CACNA2D3: variants seen among roughly 807,000 people sequenced by gnomAD.
The protein encoded by CACNA2D3 is calcium voltage-gated channel auxiliary subunit alpha2delta 3, also known as voltage-dependent calcium channel subunit alpha-2/delta-3.
Under a neutral mutation model 160.6 loss-of-function variants are expected in CACNA2D3, and 60 were observed. That is an observed-to-expected ratio of 0.37 (90% CI 0.30 to 0.46). The LOEUF (loss-of-function observed/expected upper bound fraction) is 0.46. CACNA2D3 is among the 20% of genes least tolerant of loss of function. The probability of loss-of-function intolerance (pLI) is 1.00; values close to 1 mark genes in which losing one functional copy is unlikely to be tolerated. For missense variants in CACNA2D3, 1,205 were observed against 1,365.0 expected (o/e 0.88, Z 1.85); for synonymous variants, 558 against 492.9 (o/e 1.13, Z -1.75).
At chr3:54,760,272 G>A (rs1702058372) in intron 12 of CACNA2D3, among the ~76,000 whole-genome samples, 1 of 151,920 alleles carries the variant, frequency 6.6e-6, no homozygotes, top group South Asian at 2.1e-4. Flanking sequence ...TGACAAAAAG[G>A]AACCAAACAT....
At chr3:54,253,700 G>A (rs2107428432) in intron 2 of CACNA2D3, among the ~76,000 whole-genome samples, 1 of 152,264 alleles carries the variant, frequency 6.6e-6, no homozygotes, top group East Asian at 1.9e-4. Context: ...GTACCCATAT[G>A]TGCCTTTTGG....
intron 11 of CACNA2D3, among the ~76,000 whole-genome samples, chr3:54,749,874 T>C (rs555405383): frequency 6.6e-6 from 1 of 152,254 alleles, no homozygotes; most frequent in African/African-American, 2.4e-5. Context: ...ATGAAACAAA[T>C]ATAATACCCA....
intron 5 of CACNA2D3, among the ~76,000 whole-genome samples, chr3:54,549,114 T>C (rs921303117): frequency 2.0e-5 from 3 of 152,160 alleles, no homozygotes; most frequent in Admixed American, 6.5e-5. Context: ...AATCTCATAT[T>C]AGAGGCAGGA....
intron 3 of CACNA2D3, 46 bp downstream of exon 3, chr3:54,320,604 G>A (rs761153412): frequency 1.0e-6 from 1 of 995,608 alleles, no homozygotes; most frequent in Non-Finnish European, 1.5e-6. Context: ...AGGCACAAAG[G>A]CAGCTTCAGG....
intron 29 of CACNA2D3, among the ~76,000 whole-genome samples, chr3:54,982,466 G>T (rs116399657): frequency 1.0e-3 from 155 of 152,226 alleles, no homozygotes; most frequent in African/African-American, 3.6e-3. Context: ...GTCAACTGGT[G>T]CATGCAGATG....
At chr3:54,256,047 A>G (rs1702287669) in intron 2 of CACNA2D3, among the ~76,000 whole-genome samples, 1 of 152,226 alleles carries the variant, frequency 6.6e-6, no homozygotes, top group Admixed American at 6.5e-5. Context: ...TTTAGGGACA[A>G]AAAATAGGCT....
intron 11 of CACNA2D3, among the ~76,000 whole-genome samples, chr3:54,678,836 T>C (rs1398989822): frequency 4.0e-5 from 6 of 150,520 alleles, no homozygotes; most frequent in Non-Finnish European, 8.8e-5. Context: ...TAAATGATAA[T>C]GAATTAAAGA....
In CACNA2D3 at chr3:54,979,730, AC is replaced by A. The variant is rs570792661; in HGVS notation, c.2557-4877del. Among the ~76,000 whole-genome samples the A allele has an allele frequency of 3.3e-3, 500 of 152,194 alleles. 4 individuals are homozygous for A. Among genetic ancestry groups the A allele is most frequent in the African/African-American group, 0.012 (481 of 41,520 alleles). On this transcript the variant is annotated intron_variant, in intron 29 of 37. Coordinates refer to ENST00000474759, the MANE Select transcript of CACNA2D3 (RefSeq NM_018398.3). ...TTCAGCTCTCTGTGAGAGTCCTGAA[AC>A]TTTCTTCCTCTATTCTAATGTCACA...
intron 11 of CACNA2D3, among the ~76,000 whole-genome samples, chr3:54,690,704 T>C (rs1357862075): frequency 6.6e-6 from 1 of 152,248 alleles, no homozygotes; most frequent in African/African-American, 2.4e-5. Flanking sequence ...GTATGGATCC[T>C]GCAATTTGGG....
chr3:54,891,180 C>CGTGTGT (rs3836392), intron 24 of CACNA2D3, among the ~76,000 whole-genome samples, 175 bp from the exon 25 acceptor site: 16,767 of 141,850 alleles, frequency 0.12, 1,090 homozygotes, highest in African/African-American at 0.18. Context: ...AATCTGTGCT[C>CGTGTGT]GTGTGTGTGT....
At chr3:54,160,405 C>G (rs549799168) in intron 2 of CACNA2D3, among the ~76,000 whole-genome samples, 2 of 152,246 alleles carry the variant, frequency 1.3e-5, no homozygotes, top group African/African-American at 4.8e-5. Context: ...GATGCTGAGG[C>G]AGGAGAACTG....
intron 29 of CACNA2D3, among the ~76,000 whole-genome samples, chr3:54,981,457 A>C (rs188318985): frequency 2.0e-5 from 3 of 152,162 alleles, no homozygotes; most frequent in Non-Finnish European, 2.9e-5. Flanking sequence ...ATTTTTACCT[A>C]AACAGTGATT....
At chr3:55,039,025 C>T (rs937603187) in intron 35 of CACNA2D3, among the ~76,000 whole-genome samples, 3 of 151,468 alleles carry the variant, frequency 2.0e-5, no homozygotes, top group East Asian at 3.9e-4. Flanking sequence ...GCCATGGAAC[C>T]GGGATTGTGA....
chr3:54,204,986 G>A (rs567177991), intron 2 of CACNA2D3, among the ~76,000 whole-genome samples: 1 of 152,148 alleles, frequency 6.6e-6, no homozygotes, highest in South Asian at 2.1e-4. Context: ...AATGAAAAGT[G>A]ATTGCCATTA....
At chr3:54,447,242 A>G (rs1453866916) in intron 4 of CACNA2D3, among the ~76,000 whole-genome samples, 1 of 152,226 alleles carries the variant, frequency 6.6e-6, no homozygotes, top group Non-Finnish European at 1.5e-5. Context: ...CTGAGAAATT[A>G]TATTGTGATG....
chr3:54,401,881 A>G (rs60682476), intron 4 of CACNA2D3, among the ~76,000 whole-genome samples: 4,786 of 152,290 alleles, frequency 0.031, 255 homozygotes, highest in African/African-American at 0.11. Flanking sequence ...TAAATCGTAT[A>G]TATCTCTAGT....
intron 4 of CACNA2D3, among the ~76,000 whole-genome samples, chr3:54,477,260 G>C (rs998913942): frequency 6.6e-6 from 1 of 151,616 alleles, no homozygotes; most frequent in Non-Finnish European, 1.5e-5. Flanking sequence ...TTTTCAGATG[G>C]GGTAAATGAG....
chr3:54,374,441 T>C (rs901570593), intron 3 of CACNA2D3, among the ~76,000 whole-genome samples: 2 of 152,242 alleles, frequency 1.3e-5, no homozygotes, highest in African/African-American at 2.4e-5. Flanking sequence ...AGCCCTACCG[T>C]AGAAGACACA....
intron 11 of CACNA2D3, among the ~76,000 whole-genome samples, chr3:54,662,613 C>T (rs1436095385): frequency 6.6e-6 from 1 of 152,214 alleles, no homozygotes; most frequent in East Asian, 1.9e-4. Context: ...CCTCCTCCCT[C>T]AGCCTCAGGC....
Sources: gnomAD v4.1 joint callset for allele counts (sites outside exome capture counted in the v4.1 genomes callset) on GRCh38, gnomAD v4.1.1 for gene constraint, MANE v1.5 for transcripts, NCBI Gene and HGNC (gene_info 2026-07-23, HGNC 2026-07-21) for gene names.